The following SEMA3C variants were observed in gnomAD, a reference collection of about 807,000 sequenced individuals.
The protein encoded by SEMA3C is semaphorin-3C.
SEMA3C carries 47 observed loss-of-function variants against 89.4 expected under a neutral mutation model. That is an observed-to-expected ratio of 0.53 (90% CI 0.42 to 0.67). The LOEUF (loss-of-function observed/expected upper bound fraction) is 0.67, where lower values mean the gene tolerates loss of function less well. Among genes scored for constraint, SEMA3C ranks in the 30% least tolerant of loss-of-function variants. SEMA3C has a pLI of 0.00. For missense variants in SEMA3C, 839 were observed against 929.1 expected (o/e 0.90, Z 1.26); for synonymous variants, 310 against 320.2 (o/e 0.97, Z 0.34).
At chr7:80,840,136 T>C (rs1193208859) in intron 2 of SEMA3C, among the ~76,000 whole-genome samples, 2 of 152,062 alleles carry the variant, frequency 1.3e-5, no homozygotes, top group African/African-American at 2.4e-5. Flanking sequence ...CAGCTCTCTA[T>C]GACATACTGC....
At chr7:80,829,772 C>T (rs949519756) in intron 2 of SEMA3C, among the ~76,000 whole-genome samples, 1 of 152,092 alleles carries the variant, frequency 6.6e-6, no homozygotes, top group Non-Finnish European at 1.5e-5. Context: ...GATACATTCT[C>T]TGGTCAAAAT....
chr7:80,898,558 G>T (rs1791796613), intron 2 of SEMA3C, among the ~76,000 whole-genome samples: 1 of 151,928 alleles, frequency 6.6e-6, no homozygotes, highest in Admixed American at 6.6e-5. Flanking sequence ...AATGTTTTTT[G>T]TGTTAATATT....
chr7:80,831,311 G>A (rs1323275945), intron 2 of SEMA3C, among the ~76,000 whole-genome samples: 1 of 152,130 alleles, frequency 6.6e-6, no homozygotes, highest in Non-Finnish European at 1.5e-5. Context: ...TTTAAAATCA[G>A]TATAATAATA....
chr7:80,917,201 C>T (rs1203932839), intron 1 of SEMA3C, among the ~76,000 whole-genome samples: 1 of 152,218 alleles, frequency 6.6e-6, no homozygotes, highest in Non-Finnish European at 1.5e-5. Context: ...TGGATGAGAA[C>T]TCTTTCCCCC....
At chr7:80,871,203 A>G (rs1482578720) in intron 2 of SEMA3C, among the ~76,000 whole-genome samples, 2 of 152,212 alleles carry the variant, frequency 1.3e-5, no homozygotes, top group African/African-American at 4.8e-5. Flanking sequence ...AAAAGTCAAG[A>G]GGGGAGCGAG....
intron 2 of SEMA3C, among the ~76,000 whole-genome samples, chr7:80,905,109 T>C (rs1791974197): frequency 6.6e-6 from 1 of 150,592 alleles, no homozygotes; most frequent in South Asian, 2.1e-4. Context: ...GAGGTAATGT[T>C]GTTTTGAACT....
chr7:80,917,017 T>C (rs780575358), intron 1 of SEMA3C, among the ~76,000 whole-genome samples, 198 bp from the exon 2 acceptor site: 1 of 152,196 alleles, frequency 6.6e-6, no homozygotes, highest in African/African-American at 2.4e-5. Context: ...TGGAAGTCTT[T>C]GCAACAAGAG....
chr7:80,787,626 A>G (rs1297573204), intron 12 of SEMA3C, among the ~76,000 whole-genome samples: 1 of 152,184 alleles, frequency 6.6e-6, no homozygotes, highest in East Asian at 1.9e-4. Flanking sequence ...TCATGAGACC[A>G]TGTAAGACCT....
chr7:80,787,004 G>A (rs1427543973), intron 12 of SEMA3C, among the ~76,000 whole-genome samples: 1 of 152,130 alleles, frequency 6.6e-6, no homozygotes, highest in East Asian at 1.9e-4. Context: ...CATAGGAAAT[G>A]GTAAGGAATA....
chr7:80,832,990 A>G (rs1790042004), intron 2 of SEMA3C, among the ~76,000 whole-genome samples: 1 of 152,162 alleles, frequency 6.6e-6, no homozygotes, highest in African/African-American at 2.4e-5. Flanking sequence ...TTTCCAAACC[A>G]TTATTTTTTT....
Position 80,783,473 on chromosome 7 carries a change from G to A in SEMA3C, c.1354+5833C>T, listed in dbSNP as rs549706605. On this transcript the variant is annotated intron_variant, in intron 12 of 17. Coordinates refer to ENST00000265361, the MANE Select transcript of SEMA3C (RefSeq NM_006379.5). ...GCTTTGGAAAGCAGTGACCCACGATGTTATTAAAAATCAGTAACTTACAAA... is the reference window on the plus strand; with the variant it reads ...GCTTTGGAAAGCAGTGACCCACGATATTATTAAAAATCAGTAACTTACAAA... Among the ~76,000 whole-genome samples, 132 of 152,274 alleles carry A rather than the reference G, an allele frequency of 8.7e-4. 1 individual carries two copies. The highest frequency in any genetic ancestry group is 3.5e-3 in the South Asian group (17 of 4,826).
At chr7:80,772,618 A>G (rs2117075663) in intron 12 of SEMA3C, among the ~76,000 whole-genome samples, 1 of 152,192 alleles carries the variant, frequency 6.6e-6, no homozygotes, top group African/African-American at 2.4e-5. Context: ...CCATCTAATC[A>G]TCTTCCCAAG....
At chr7:80,815,253 T>C (rs993273361) in intron 5 of SEMA3C, among the ~76,000 whole-genome samples, 2 of 152,154 alleles carry the variant, frequency 1.3e-5, no homozygotes, top group East Asian at 3.9e-4. Context: ...ATACAGAGCA[T>C]GAATGGTGGA....
chr7:80,832,680 C>T (rs1372927830), intron 2 of SEMA3C, among the ~76,000 whole-genome samples: 1 of 152,116 alleles, frequency 6.6e-6, no homozygotes, highest in Admixed American at 6.6e-5. Context: ...ATGATGATTG[C>T]AGCAATTGCA....
At chr7:80,898,824 C>CAAAA (rs34542451) in intron 2 of SEMA3C, among the ~76,000 whole-genome samples, 7 of 109,558 alleles carry the variant, frequency 6.4e-5, no homozygotes, top group African/African-American at 1.9e-4. Context: ...TTTGTTTGAC[C>CAAAA]AAAAAAAAAA....
intron 17 of SEMA3C, among the ~76,000 whole-genome samples, chr7:80,746,718 G>GTGTGTGTGTGTGTGTGTGTGTGTGT (rs1554357891): frequency 7.0e-6 from 1 of 142,930 alleles, no homozygotes; most frequent in Non-Finnish European, 1.5e-5. Context: ...ATTGAAGTGG[G>GTGTGTGTGTGTGTGTGTGTGTGTGT]GTGTGTGTGT....
Position 80,744,751 on chromosome 7 carries a change from T to A in SEMA3C, c.*143A>T. The stretch of plus-strand genomic sequence containing the variant: ...ATCATACAAGAAAATGCATGCTCAT[T>A]TCAGTTCGTGTAAAACTCACTTCAG... On this transcript the variant is annotated 3_prime_UTR_variant, in exon 18 of 18. Transcript: ENST00000265361. 1 of 845,580 alleles carries A rather than the reference T, an allele frequency of 1.2e-6. No individual in the cohort carries two copies. The highest frequency in any genetic ancestry group is 1.6e-5 in the South Asian group (1 of 61,724). 52.4% of individuals were successfully genotyped at this position (845,580 alleles called of 1,614,324 possible). A position where few individuals can be genotyped will look rare whatever the true frequency, so the allele number is the denominator to read the frequency against.
intron 6 of SEMA3C, among the ~76,000 whole-genome samples, chr7:80,807,958 G>A (rs1337249209): frequency 6.6e-6 from 1 of 152,076 alleles, no homozygotes; most frequent in African/African-American, 2.4e-5. Flanking sequence ...TCTTTTTACT[G>A]TCAGTTTTCA....
chr7:80,901,998 G>A (rs992262354), intron 2 of SEMA3C, among the ~76,000 whole-genome samples: 2 of 152,098 alleles, frequency 1.3e-5, no homozygotes, highest in South Asian at 4.1e-4. Flanking sequence ...TGTCACCCAG[G>A]CTGGAGTGCA....
Sources: allele counts gnomAD v4.1 joint callset (sites outside exome capture counted in the v4.1 genomes callset), GRCh38; gene constraint gnomAD v4.1.1; transcripts MANE v1.5; gene names NCBI Gene and HGNC (gene_info 2026-07-23, HGNC 2026-07-21).